MTMR2: variants seen among roughly 807,000 people sequenced by gnomAD.
MTMR2 encodes myotubularin related protein 2.
A neutral mutation model predicts 86.9 loss-of-function variants in MTMR2; 55 were observed. That is an observed-to-expected ratio of 0.63 (90% CI 0.51 to 0.79). MTMR2 has a LOEUF of 0.79. Among genes scored for constraint, MTMR2 ranks in the 30% least tolerant of loss-of-function variants. MTMR2 has a pLI of 0.00. For synonymous variants in MTMR2, 241 were observed against 266.8 expected (o/e 0.90, Z 0.94); for missense variants, 659 against 772.3 (o/e 0.85, Z 1.74).
At chr11:95,835,820 G>C (rs1863246468) in intron 14 of MTMR2, among the ~76,000 whole-genome samples, 1 of 151,964 alleles carries the variant, frequency 6.6e-6, no homozygotes, top group African/African-American at 2.4e-5. Context: ...ATTCACAGTA[G>C]ACCAGAATTT....
chr11:95,905,132 C>A (rs900103892), intron 1 of MTMR2, among the ~76,000 whole-genome samples: 1 of 152,046 alleles, frequency 6.6e-6, no homozygotes, highest in Non-Finnish European at 1.5e-5. Flanking sequence ...CTAGCCAATC[C>A]TCTCAGGTCT....
intron 1 of MTMR2, among the ~76,000 whole-genome samples, chr11:95,898,910 T>C (rs1334417853): frequency 6.6e-6 from 1 of 152,138 alleles, no homozygotes; most frequent in African/African-American, 2.4e-5. Context: ...ATTCAAGACA[T>C]GTTAAAGCAA....
chr11:95,915,731 T>C (rs1007781513), intron 1 of MTMR2, among the ~76,000 whole-genome samples: 1 of 152,108 alleles, frequency 6.6e-6, no homozygotes, highest in Non-Finnish European at 1.5e-5. Flanking sequence ...GAGGATAAAA[T>C]ACATGGATAC....
intron 2 of MTMR2, among the ~76,000 whole-genome samples, chr11:95,868,303 A>AAAAAAAAAAAAAAAAAAAAAAAAAG (rs1565362661): frequency 1.5e-5 from 1 of 68,352 alleles, no homozygotes. Context: ...AAAAAAAAAG[A>AAAAAAAAAAAAAAAAAAAAAAAAAG]AAGAAAAAGA....
rs1064793195 is a variant in MTMR2, at chr11:95,850,655, A to G, written c.749T>C (p.Ile250Thr). 4 of 1,614,034 alleles carry G rather than the reference A, an allele frequency of 2.5e-6. No homozygotes were observed. The highest frequency in any genetic ancestry group is 3.4e-6 in the Non-Finnish European group (4 of 1,179,998). Residue 250 changes from isoleucine to threonine, a missense_variant, in exon 8 of 15, where the codon ATT becomes ACT. Physicochemically the swap from Ile to Thr is moderately conservative, Grantham distance 89. Coordinates refer to ENST00000346299, the MANE Select transcript of MTMR2 (RefSeq NM_016156.6). The part of the protein sequence containing the change: ...YPALLVVPAN[I>T]PDEELKRVAS... ...CACTCTCTTTAATTCTTCATCAGGA[A>G]TATTTGCTGGCACAACCAGGAGGGC...
chr11:95,854,112 A>G (rs1864123795), intron 7 of MTMR2, among the ~76,000 whole-genome samples: 1 of 152,118 alleles, frequency 6.6e-6, no homozygotes, highest in Non-Finnish European at 1.5e-5. Flanking sequence ...TGTCCTCCTC[A>G]TTCTTAGATA....
intron 2 of MTMR2, among the ~76,000 whole-genome samples, chr11:95,873,010 C>A (rs1144674): frequency 1.7e-4 from 26 of 152,082 alleles, no homozygotes; most frequent in Non-Finnish European, 3.4e-4. Context: ...CTGCTGGATT[C>A]GGTTTGCCAG....
At chr11:95,909,122 A>C (rs568667404) in intron 1 of MTMR2, among the ~76,000 whole-genome samples, 1 of 151,960 alleles carries the variant, frequency 6.6e-6, no homozygotes, top group Non-Finnish European at 1.5e-5. Flanking sequence ...CCTTTGTTAC[A>C]CTATTCTTAA....
Position 95,879,211 on chromosome 11 carries a change from A to G in MTMR2, c.186+8945T>C, listed in dbSNP as rs76642926. Among the ~76,000 whole-genome samples, 525 of 152,284 alleles carry G rather than the reference A, an allele frequency of 3.4e-3. 4 individuals carry two copies. The highest frequency in any genetic ancestry group is 0.012 in the African/African-American group (505 of 41,568). ...CCAAAAAGAGATGACAGCTGAAACCACGAAGAAGAAAGAGAATGTGGAAGA... is the reference window on the plus strand; with the variant it reads ...CCAAAAAGAGATGACAGCTGAAACCGCGAAGAAGAAAGAGAATGTGGAAGA... On this transcript the variant is annotated intron_variant, in intron 2 of 14. Coordinates refer to ENST00000346299, the MANE Select transcript of MTMR2 (RefSeq NM_016156.6).
chr11:95,906,368 A>G (rs948728925), intron 1 of MTMR2, among the ~76,000 whole-genome samples: 1 of 152,240 alleles, frequency 6.6e-6, no homozygotes, highest in African/African-American at 2.4e-5. Context: ...ATATATATGC[A>G]TCCAACACAG....
chr11:95,874,227 T>C (rs1865007660), intron 2 of MTMR2, among the ~76,000 whole-genome samples: 1 of 152,156 alleles, frequency 6.6e-6, no homozygotes, highest in African/African-American at 2.4e-5. Context: ...TGTGTGGGAG[T>C]CTGAGTCTCT....
chr11:95,851,600 G>A (rs541443867), intron 7 of MTMR2, among the ~76,000 whole-genome samples: 1 of 152,148 alleles, frequency 6.6e-6, no homozygotes, highest in African/African-American at 2.4e-5. Flanking sequence ...GACCTCAGGT[G>A]ATCCGCCTGC....
At chr11:95,901,819 C>T (rs969994515) in intron 1 of MTMR2, among the ~76,000 whole-genome samples, 2 of 152,056 alleles carry the variant, frequency 1.3e-5, no homozygotes. Flanking sequence ...GCAGATAAAG[C>T]TTAACTGGAT....
chr11:95,918,535 A>G (rs1293772121), intron 1 of MTMR2, among the ~76,000 whole-genome samples: 1 of 152,234 alleles, frequency 6.6e-6, no homozygotes, highest in South Asian at 2.1e-4. Flanking sequence ...TGTCAGACCA[A>G]TATTGTTTCT....
intron 1 of MTMR2, among the ~76,000 whole-genome samples, chr11:95,901,061 T>C (rs1181900674): frequency 6.6e-6 from 1 of 152,196 alleles, no homozygotes; most frequent in East Asian, 1.9e-4. Context: ...TTCTAAGTTA[T>C]TTCTTCTAGT....
intron 5 of MTMR2, among the ~76,000 whole-genome samples, chr11:95,860,886 G>A (rs1590995672): frequency 6.6e-6 from 1 of 152,074 alleles, no homozygotes; most frequent in Non-Finnish European, 1.5e-5. Flanking sequence ...GGCCGGGCAC[G>A]GTGGCTCACG....
chr11:95,903,078 G>A (rs952677993), intron 1 of MTMR2, among the ~76,000 whole-genome samples: 4 of 152,008 alleles, frequency 2.6e-5, no homozygotes, highest in Non-Finnish European at 5.9e-5. Context: ...TCAGTTAATC[G>A]AATTCCTCTT....
At chr11:95,861,149 CAAA>C (rs566201038) in intron 5 of MTMR2, among the ~76,000 whole-genome samples, 2 of 72,204 alleles carry the variant, frequency 2.8e-5, no homozygotes, top group Non-Finnish European at 3.2e-5. Context: ...GACTCCGTCT[CAAA>C]AAAAAAAAAA....
chr11:95,914,768 C>T lies in MTMR2; in HGVS notation c.80+9107G>A, dbSNP rs539548337. Among the ~76,000 whole-genome samples the T allele has an allele frequency of 8.5e-5, 13 of 152,228 alleles. No individual in the cohort carries two copies. In the South Asian group the frequency reaches 2.7e-3, roughly 32 times the overall value. On this transcript the variant is annotated intron_variant, in intron 1 of 14. Transcript: ENST00000346299. ...CCTCTAACTACAAAGCTTTGGTCTG[C>T]ACCTGGGGCACTAGATCTTCAGGCA...
Sources: gnomAD v4.1 joint callset for allele counts (sites outside exome capture counted in the v4.1 genomes callset) on GRCh38, gnomAD v4.1.1 for gene constraint, MANE v1.5 for transcripts, NCBI Gene and HGNC (gene_info 2026-07-23, HGNC 2026-07-21) for gene names.